Variants in RSPO2 observed in about 807,000 individuals in gnomAD.
RSPO2 encodes R-spondin 2.
RSPO2 carries 14 observed loss-of-function variants against 30.9 expected under a neutral mutation model. That is an observed-to-expected ratio of 0.45 (90% CI 0.30 to 0.71). RSPO2 has a LOEUF of 0.71. Among genes scored for constraint, RSPO2 ranks in the 30% least tolerant of loss-of-function variants. RSPO2 has a pLI of 0.08. For synonymous variants in RSPO2, 107 were observed against 96.4 expected (o/e 1.11, Z -0.64); for missense variants, 264 against 301.9 (o/e 0.87, Z 0.93).
At chr8:107,903,298 T>C (rs1057474236) in intron 5 of RSPO2, among the ~76,000 whole-genome samples, 6 of 152,242 alleles carry the variant, frequency 3.9e-5, no homozygotes, top group Non-Finnish European at 7.4e-5. Flanking sequence ...TAGATTTTAA[T>C]ACTGAATATA....
chr8:107,954,907 CCTCT>C (rs1375352612), intron 5 of RSPO2, among the ~76,000 whole-genome samples: 6 of 152,138 alleles, frequency 3.9e-5, no homozygotes, highest in Admixed American at 2.6e-4. Flanking sequence ...TTGCGCCTGG[CCTCT>C]CTTTTTTCCA....
chr8:108,070,442 G>A (rs545142145), intron 2 of RSPO2, among the ~76,000 whole-genome samples: 36 of 151,800 alleles, frequency 2.4e-4, no homozygotes, highest in South Asian at 1.7e-3. Context: ...ACAGGTGCCC[G>A]CCACCGCGCC....
chr8:108,006,159 G>A (rs1415876026), intron 2 of RSPO2, among the ~76,000 whole-genome samples: 1 of 152,088 alleles, frequency 6.6e-6, no homozygotes, highest in Non-Finnish European at 1.5e-5. Flanking sequence ...ATATAAATTA[G>A]AAGGACATTT....
At chr8:108,022,256 T>G (rs1811082616) in intron 2 of RSPO2, among the ~76,000 whole-genome samples, 1 of 152,148 alleles carries the variant, frequency 6.6e-6, no homozygotes, top group South Asian at 2.1e-4. Context: ...AACGTCTTTC[T>G]CTTTTTCAAA....
chr8:108,000,944 G>A (rs1261317303), intron 2 of RSPO2, among the ~76,000 whole-genome samples: 3 of 151,944 alleles, frequency 2.0e-5, no homozygotes, highest in Non-Finnish European at 2.9e-5. Flanking sequence ...GGAGCTTGCA[G>A]TGAGCAGAGA....
intron 2 of RSPO2, among the ~76,000 whole-genome samples, chr8:108,002,771 G>A (rs1362895634): frequency 6.6e-6 from 1 of 152,158 alleles, no homozygotes; most frequent in Non-Finnish European, 1.5e-5. Flanking sequence ...AAACTTCCAT[G>A]GGTTTTACCA....
At chr8:108,030,054 G>A (rs1454770690) in intron 2 of RSPO2, among the ~76,000 whole-genome samples, 1 of 136,408 alleles carries the variant, frequency 7.3e-6, no homozygotes, top group Admixed American at 8.1e-5. Flanking sequence ...TCAGCTCCAT[G>A]TCAATTTTGT....
In RSPO2 at chr8:107,930,011, C is replaced by T. The variant is rs1391608016; in HGVS notation, c.616+28069G>A. 5.9e-5 allele frequency among the ~76,000 whole-genome samples: 9 copies of T among 152,188 alleles called. No individual in the cohort carries two copies. In the East Asian group the frequency reaches 1.7e-3, roughly 29 times the overall value. On this transcript the variant is annotated intron_variant, in intron 5 of 5. Coordinates refer to ENST00000276659, the MANE Select transcript of RSPO2 (RefSeq NM_178565.5). ...CTGATGTTCTCCTTGGTTTAAGAAC[C>T]ACTTCTCTAGATCAGTACCATTAAG...
intron 3 of RSPO2, among the ~76,000 whole-genome samples, chr8:107,986,305 T>C (rs762028869): frequency 3.3e-5 from 5 of 152,208 alleles, no homozygotes; most frequent in African/African-American, 4.8e-5. Context: ...TGGGGTCTTG[T>C]TAATAGCACT....
At chr8:108,059,684 G>A (rs1812384586) in intron 2 of RSPO2, among the ~76,000 whole-genome samples, 1 of 148,478 alleles carries the variant, frequency 6.7e-6, no homozygotes, top group South Asian at 2.1e-4. Context: ...AAAAAAAGAT[G>A]AGTTCATGTC....
intron 5 of RSPO2, among the ~76,000 whole-genome samples, chr8:107,941,401 G>T (rs2130375211): frequency 6.6e-6 from 1 of 151,990 alleles, no homozygotes; most frequent in East Asian, 1.9e-4. Flanking sequence ...CTAATAAATG[G>T]GTGCCAAAAA....
At chr8:108,061,689 C>T (rs200161193) in intron 2 of RSPO2, among the ~76,000 whole-genome samples, 6 of 151,836 alleles carry the variant, frequency 4.0e-5, no homozygotes, top group African/African-American at 7.3e-5. Flanking sequence ...GCGGACCTAA[C>T]AGACATCTAC....
Position 107,900,956 on chromosome 8 carries a change from T to G in RSPO2, c.*119A>C. 9.6e-7 allele frequency: 1 copy of G among 1,045,848 alleles called. No individual in the cohort carries two copies. The highest frequency in any genetic ancestry group is 1.4e-6 in the Non-Finnish European group (1 of 721,796). 64.8% of individuals were successfully genotyped at this position (1,045,848 alleles called of 1,614,324 possible). A position where few individuals can be genotyped will look rare whatever the true frequency, so the allele number is the denominator to read the frequency against. ...GTGGTGCTTCCTTTCACCATGTTAC[T>G]GGGAACAGATACTGGGCAGAGCAGC... On this transcript the variant is annotated 3_prime_UTR_variant, in exon 6 of 6. Coordinates refer to ENST00000276659, the MANE Select transcript of RSPO2 (RefSeq NM_178565.5).
chr8:107,987,407 C>CTT (rs1814685025), intron 3 of RSPO2, among the ~76,000 whole-genome samples: 2 of 152,182 alleles, frequency 1.3e-5, no homozygotes, highest in African/African-American at 4.8e-5. Flanking sequence ...CAGGAAACAC[C>CTT]TTTATCAGTT....
intron 3 of RSPO2, among the ~76,000 whole-genome samples, chr8:107,963,522 CAAAAAAAAA>C (rs61697128): frequency 4.7e-4 from 15 of 32,018 alleles, no homozygotes; most frequent in South Asian, 1.9e-3. Context: ...AGACCTGTCT[CAAAAAAAAA>C]AAAAAAAAAA....
At chr8:107,933,521 A>G (rs191950724) in intron 5 of RSPO2, among the ~76,000 whole-genome samples, 2 of 152,318 alleles carry the variant, frequency 1.3e-5, no homozygotes, top group Non-Finnish European at 1.5e-5. Context: ...GTACCACCAC[A>G]TTAACAATGC....
intron 5 of RSPO2, among the ~76,000 whole-genome samples, chr8:107,922,797 C>T (rs1286537608): frequency 1.3e-5 from 2 of 152,024 alleles, no homozygotes; most frequent in Non-Finnish European, 2.9e-5. Context: ...ACATCTACAA[C>T]CATCTGATTT....
chr8:107,977,556 A>G (rs1194634589), intron 3 of RSPO2, among the ~76,000 whole-genome samples: 1 of 152,228 alleles, frequency 6.6e-6, no homozygotes, highest in Admixed American at 6.5e-5. Context: ...TCAGTAGAAG[A>G]GAAAGGGTCA....
At chr8:107,996,360 A>C (rs1815025210) in intron 2 of RSPO2, among the ~76,000 whole-genome samples, 1 of 152,182 alleles carries the variant, frequency 6.6e-6, no homozygotes, top group Non-Finnish European at 1.5e-5. Context: ...TGAGAGACTA[A>C]GGCAAGGGCA....
Sources: allele counts gnomAD v4.1 joint callset (sites outside exome capture counted in the v4.1 genomes callset), GRCh38; gene constraint gnomAD v4.1.1; transcripts MANE v1.5; gene names NCBI Gene and HGNC (gene_info 2026-07-23, HGNC 2026-07-21).